The following DNAH17 variants were observed in gnomAD, a reference collection of about 807,000 sequenced individuals.
DNAH17 encodes axonemal beta dynein heavy chain 17.
DNAH17 carries 376 observed loss-of-function variants against 485.6 expected under a neutral mutation model. That is an observed-to-expected ratio of 0.77 (90% CI 0.71 to 0.84). DNAH17 has a LOEUF of 0.84. DNAH17 is among the 40% of genes least tolerant of loss of function. The pLI, the probability that DNAH17 is intolerant of heterozygous loss-of-function variation, is 0.00. For synonymous variants in DNAH17, 3,031 were observed against 2,405.9 expected, an observed-to-expected ratio of 1.26 and a Z score of -7.60; for missense variants, 6,370 against 5,839.3, an observed-to-expected ratio of 1.09 and a Z score of -2.96.
At position 78,460,189 on chromosome 17, in the gene DNAH17, G is replaced by T; in HGVS notation, c.9408C>A (p.Ala3136=). The stretch of plus-strand genomic sequence containing the variant: ...TATTCAGAGTGTCCAGAGCCTCCTG[G>T]GCTGCCAGCAGGGCCGGTTCTGCTT... ...LAKAEPALLA[A]QEALDTLNKN... is the part of the protein sequence containing the mutation. The change falls in exon 59 of 81, where the codon GCC becomes GCA. Residue 3136 remains alanine (A), a synonymous_variant. Coordinates refer to ENST00000389840, the MANE Select transcript of DNAH17 (RefSeq NM_173628.4). The T allele has an allele frequency of 6.2e-7, 1 of 1,608,918 alleles. No individual in the cohort carries two copies. The highest frequency in any genetic ancestry group is 8.5e-7 in the Non-Finnish European group (1 of 1,177,294).
At chr17:78,458,805 C>T (rs1372114278) in intron 61 of DNAH17, 125 bp from the exon 62 acceptor site, 2 of 1,069,686 alleles carry the variant, frequency 1.9e-6, no homozygotes, top group African/African-American at 1.6e-5. Flanking sequence ...GGCTGAGAGC[C>T]CTCTGGAGCA....
intron 54 of DNAH17, among the ~76,000 whole-genome samples, chr17:78,471,476 C>A (rs1361425564): frequency 6.6e-6 from 1 of 152,218 alleles, no homozygotes; most frequent in Non-Finnish European, 1.5e-5. Context: ...GTAGCAAGGA[C>A]ATTGGGTGGA....
chr17:78,432,785 G>A (rs1376160131), intron 75 of DNAH17, among the ~76,000 whole-genome samples: 2 of 152,004 alleles, frequency 1.3e-5, no homozygotes, highest in East Asian at 3.9e-4. Context: ...TGCCAGGCCA[G>A]GCTTCCCTCA....
chr17:78,439,665 CTTT>C (rs11399691), intron 72 of DNAH17, among the ~76,000 whole-genome samples: 51 of 92,208 alleles, frequency 5.5e-4, no homozygotes, highest in East Asian at 3.6e-3. Flanking sequence ...CAGTACTTCA[CTTT>C]TTTTTTTTTT....
chr17:78,512,940 CAAAAAAAAAAAAAAAA>C (rs57734613), intron 26 of DNAH17, among the ~76,000 whole-genome samples: 3 of 83,308 alleles, frequency 3.6e-5, no homozygotes, highest in South Asian at 4.3e-4. Flanking sequence ...GACTCTAACT[CAAAAAAAAAAAAAAAA>C]AAAAAAAAGA....
At chr17:78,572,611 C>CAGAGTGGGGT in intron 3 of DNAH17, 90 bp downstream of exon 3, 1 of 1,120,976 alleles carries the variant, frequency 8.9e-7, no homozygotes. Context: ...AACAACGGGT[C>CAGAGTGGGGT]GGAGTGGGGT....
chr17:78,430,552 C>T (rs190555319), intron 75 of DNAH17, among the ~76,000 whole-genome samples: 2 of 152,174 alleles, frequency 1.3e-5, no homozygotes, highest in Non-Finnish European at 2.9e-5. Flanking sequence ...GATTTGGTCT[C>T]ATGAATTTAT....
intron 8 of DNAH17, 29 bp downstream of exon 8, chr17:78,569,346 T>C: frequency 6.2e-7 from 1 of 1,611,220 alleles, no homozygotes; most frequent in Non-Finnish European, 8.5e-7. Context: ...TCGTCCTGCC[T>C]TGGCCCTCGC....
chr17:78,574,974 G>A lies in DNAH17; in HGVS notation c.84C>T (p.Ser28=). 1.9e-6 allele frequency: 3 copies of A among 1,614,002 alleles called. No homozygotes were observed. The highest frequency in any genetic ancestry group is 2.5e-6 in the Non-Finnish European group (3 of 1,179,900). Residue 28 remains serine (S), a synonymous_variant, in exon 2 of 81, where the codon AGC becomes AGT. Coordinates refer to ENST00000389840, the MANE Select transcript of DNAH17 (RefSeq NM_173628.4). ...CGTTCTCCTCGGCGCCTATCAGCTT[G>A]CTCCACTTGTCCGGCTTGAACTTCA... is the stretch of plus-strand genomic sequence containing the variant. ...IVLKFKPDKW[S]KLIGAEENVA... is the part of the protein sequence containing the mutation.
rs759239508 is a variant in DNAH17 at position 78,501,791 on chromosome 17, G to C, written c.5273C>G (p.Thr1758Ser). The C allele has an allele frequency of 2.5e-6, 4 of 1,613,966 alleles. No homozygotes were observed. In the East Asian group the frequency reaches 8.9e-5, roughly 36 times the overall value. ...CACGTCCCGTGCGTGCACATCGATG[G>C]TGCAGATGGTCATGATCTTCATCCT... The part of the protein sequence containing the change: ...GDRMKIMTIC[T>S]IDVHARDVVA... Residue 1758 changes from threonine to serine, a missense_variant, in exon 34 of 81, where the codon ACC becomes AGC. Thr to Ser is a moderately conservative substitution (Grantham distance 58, BLOSUM62 1). Transcript: ENST00000389840.
chr17:78,457,652 C>A (rs1341368653), intron 62 of DNAH17, among the ~76,000 whole-genome samples: 3 of 134,018 alleles, frequency 2.2e-5, no homozygotes, highest in Non-Finnish European at 4.6e-5. Context: ...CACAGCCGTG[C>A]CTGGCTTTTT....
chr17:78,566,914 C>G, intron 10 of DNAH17, 85 bp downstream of exon 10: 2 of 1,478,048 alleles, frequency 1.4e-6, no homozygotes, highest in Non-Finnish European at 1.8e-6. Context: ...CCTCCGTGTG[C>G]CCTCCCATCA....
At chr17:78,431,641 G>A (rs1474734100) in intron 75 of DNAH17, among the ~76,000 whole-genome samples, 1 of 152,106 alleles carries the variant, frequency 6.6e-6, no homozygotes, top group Non-Finnish European at 1.5e-5. Flanking sequence ...CATTCCCGGT[G>A]GTCACTCAGC....
intron 74 of DNAH17, among the ~76,000 whole-genome samples, chr17:78,436,001 G>A (rs1039029769): frequency 2.6e-5 from 4 of 152,218 alleles, no homozygotes; most frequent in Non-Finnish European, 2.9e-5. Flanking sequence ...TTTAAAAGCT[G>A]GTTGGGAATT....
intron 14 of DNAH17, among the ~76,000 whole-genome samples, chr17:78,554,485 A>G (rs575181543): frequency 3.8e-5 from 5 of 131,312 alleles, no homozygotes; most frequent in African/African-American, 1.4e-4. Context: ...TAGGTTCTAT[A>G]TAGTTTTGTT....
chr17:78,550,468 G>C (rs145565828), intron 16 of DNAH17, among the ~76,000 whole-genome samples: 7 of 152,254 alleles, frequency 4.6e-5, no homozygotes, highest in Non-Finnish European at 8.8e-5. Flanking sequence ...CTTTAAAGAG[G>C]TGCTTAAGTT....
chr17:78,526,859 A>G, intron 23 of DNAH17, 21 bp downstream of exon 23: 1 of 1,559,928 alleles, frequency 6.4e-7, no homozygotes, highest in Non-Finnish European at 8.7e-7. Flanking sequence ...AAATCCCGCC[A>G]CCCTGCCCCA....
At position 78,480,029 on chromosome 17, in the gene DNAH17, TTTTTTTTTTTTTTTTTTTTTA is replaced by T. The variant is rs1224189378; in HGVS notation, c.7753-418_7753-398del. On this transcript the variant is annotated intron_variant, in intron 49 of 80. Transcript: ENST00000389840. ...CAACAAGTACTTTTTTTTTTTTTTTTTTTTTTTTTTTTTTTTTTTTAAAAAAAGTATGTCCCAGGCCGGGCA... is the reference window on the plus strand; with the variant it reads ...CAACAAGTACTTTTTTTTTTTTTTTTAAAAAAGTATGTCCCAGGCCGGGCA... Among the ~76,000 whole-genome samples, 4 of 57,332 alleles carry T rather than the reference TTTTTTTTTTTTTTTTTTTTTA, an allele frequency of 7.0e-5. 1 individual carries two copies. Among genetic ancestry groups the T allele is most frequent in the Middle Eastern group, 0.014 (2 of 148 alleles). 37.6% of individuals were successfully genotyped at this position (57,332 alleles called of 152,430 possible). A position where few individuals can be genotyped will look rare whatever the true frequency, so the allele number is the denominator to read the frequency against.
chr17:78,435,651 C>T (rs1156370230), intron 74 of DNAH17, among the ~76,000 whole-genome samples: 1 of 152,224 alleles, frequency 6.6e-6, no homozygotes, highest in East Asian at 1.9e-4. Context: ...AAGAACTGCC[C>T]CTGTGCTTGG....
Sources: allele counts gnomAD v4.1 joint callset (sites outside exome capture counted in the v4.1 genomes callset), GRCh38; gene constraint gnomAD v4.1.1; transcripts MANE v1.5; gene names NCBI Gene and HGNC (gene_info 2026-07-23, HGNC 2026-07-21).